Variants in CAMK1D observed in about 807,000 individuals in gnomAD.
CAMK1D encodes the protein calcium/calmodulin-dependent protein kinase type 1D.
Under a neutral mutation model 47.7 loss-of-function variants are expected in CAMK1D, and 9 were observed. The observed-to-expected ratio is 0.19, with a 90% CI of 0.11 to 0.33. The LOEUF (loss-of-function observed/expected upper bound fraction) is 0.33. Among genes scored for constraint, CAMK1D ranks in the 10% least tolerant of loss-of-function variants. The pLI is 1.00. For missense variants in CAMK1D, 291 were observed against 488.7 expected (o/e 0.60, Z 3.81); for synonymous variants, 184 against 184.9 (o/e 0.99, Z 0.04).
At chr10:12,681,456 C>T (rs534319647) in intron 3 of CAMK1D, among the ~76,000 whole-genome samples, 17 of 152,380 alleles carry the variant, frequency 1.1e-4, no homozygotes, top group Non-Finnish European at 1.9e-4. Context: ...CTGCAGCCTC[C>T]GCTCCTGCAG....
At chr10:12,606,963 G>C (rs1838479949) in intron 2 of CAMK1D, among the ~76,000 whole-genome samples, 1 of 152,038 alleles carries the variant, frequency 6.6e-6, no homozygotes. Flanking sequence ...TAGTAGCTGG[G>C]AATACAGGCG....
Position 12,680,351 on chromosome 10 carries a change from G to T in CAMK1D, c.299+13541G>T, listed in dbSNP as rs150515138. Among the ~76,000 whole-genome samples the T allele has an allele frequency of 1.5e-4, 23 of 152,286 alleles. No individual in the cohort carries two copies. In the East Asian group the frequency reaches 4.2e-3, roughly 28 times the overall value. On this transcript the variant is annotated intron_variant, in intron 3 of 10. Coordinates refer to ENST00000619168, the MANE Select transcript of CAMK1D (RefSeq NM_153498.4). Reference sequence around the variant, plus strand: ...ATAGCTCAGCGCCTGGTCTCTCTGGGTCTACCCAAAAAGTAGAGGGTTTTT... The same window carrying T: ...ATAGCTCAGCGCCTGGTCTCTCTGGTTCTACCCAAAAAGTAGAGGGTTTTT...
intron 3 of CAMK1D, among the ~76,000 whole-genome samples, chr10:12,713,381 C>G (rs912723573): frequency 6.6e-6 from 1 of 152,084 alleles, no homozygotes; most frequent in African/African-American, 2.4e-5. Context: ...GCGTTTTACC[C>G]TGAGGTTGGT....
At chr10:12,757,484 C>G (rs1836283814) in intron 3 of CAMK1D, among the ~76,000 whole-genome samples, 1 of 152,116 alleles carries the variant, frequency 6.6e-6, no homozygotes, top group South Asian at 2.1e-4. Flanking sequence ...AGCTCAATAA[C>G]CAAACAGCCA....
intron 3 of CAMK1D, among the ~76,000 whole-genome samples, chr10:12,699,265 AG>A (rs1833417263): frequency 6.6e-6 from 1 of 152,198 alleles, no homozygotes; most frequent in Non-Finnish European, 1.5e-5. Context: ...AGTGTCCAAA[AG>A]AACTGTGATC....
chr10:12,779,952 G>A (rs557962157), intron 5 of CAMK1D, among the ~76,000 whole-genome samples: 1 of 152,338 alleles, frequency 6.6e-6, no homozygotes, highest in South Asian at 2.1e-4. Flanking sequence ...GGAAGGAATC[G>A]TTCATTTCCT....
intron 3 of CAMK1D, among the ~76,000 whole-genome samples, chr10:12,750,608 T>C (rs1023709909): frequency 6.6e-6 from 1 of 152,086 alleles, no homozygotes; most frequent in African/African-American, 2.4e-5. Flanking sequence ...GGAGAGACTA[T>C]TGGTGAAACA....
At chr10:12,624,545 A>G (rs1041447257) in intron 2 of CAMK1D, among the ~76,000 whole-genome samples, 1 of 152,166 alleles carries the variant, frequency 6.6e-6, no homozygotes, top group African/African-American at 2.4e-5. Context: ...GATGTCTTCA[A>G]GGTTCATCCA....
chr10:12,559,080 G>A (rs1331325866), intron 2 of CAMK1D, among the ~76,000 whole-genome samples: 1 of 152,088 alleles, frequency 6.6e-6, no homozygotes, highest in Non-Finnish European at 1.5e-5. Context: ...GGCTGAGGCA[G>A]GAGGATTGTC....
chr10:12,398,537 C>T (rs12415928), intron 1 of CAMK1D, among the ~76,000 whole-genome samples: 31,617 of 151,890 alleles, frequency 0.21, 4,000 homozygotes, highest in Admixed American at 0.27. Flanking sequence ...TTAGAAGAGA[C>T]GGGGTTTCAC....
At chr10:12,821,796 G>A (rs929437613) in intron 8 of CAMK1D, among the ~76,000 whole-genome samples, 19 of 152,098 alleles carry the variant, frequency 1.2e-4, no homozygotes, top group African/African-American at 3.4e-4. Flanking sequence ...CCAATATGGT[G>A]AAACCCCATC....
intron 3 of CAMK1D, among the ~76,000 whole-genome samples, chr10:12,717,925 A>C (rs999638954): frequency 1.3e-5 from 2 of 151,954 alleles, no homozygotes; most frequent in Non-Finnish European, 2.9e-5. Context: ...AAAAGATGCA[A>C]AGAAAGAAAT....
At chr10:12,626,515 C>T (rs1243430078) in intron 2 of CAMK1D, among the ~76,000 whole-genome samples, 1 of 149,866 alleles carries the variant, frequency 6.7e-6, no homozygotes, top group African/African-American at 2.4e-5. Flanking sequence ...ATTCTGTCTC[C>T]TAGGCTGGAG....
intron 1 of CAMK1D, among the ~76,000 whole-genome samples, chr10:12,374,522 A>C (rs756598591): frequency 6.6e-6 from 1 of 152,174 alleles, no homozygotes; most frequent in African/African-American, 2.4e-5. Context: ...GGCCAACTCA[A>C]ATCTGATCTC....
intron 2 of CAMK1D, among the ~76,000 whole-genome samples, chr10:12,606,191 GAC>G (rs1838456655): frequency 6.6e-6 from 1 of 152,226 alleles, no homozygotes; most frequent in African/African-American, 2.4e-5. Flanking sequence ...GCTGCTCAGG[GAC>G]CACAGGGGAG....
chr10:12,539,815 C>G (rs1447586800), intron 1 of CAMK1D, among the ~76,000 whole-genome samples: 1 of 152,190 alleles, frequency 6.6e-6, no homozygotes, highest in Non-Finnish European at 1.5e-5. Context: ...TGCACCCTGG[C>G]AACAAATGCA....
At chr10:12,398,858 G>C (rs1471781894) in intron 1 of CAMK1D, among the ~76,000 whole-genome samples, 2 of 152,010 alleles carry the variant, frequency 1.3e-5, no homozygotes, top group African/African-American at 4.8e-5. Flanking sequence ...AAGGAGGTCA[G>C]AATTAGTCCT....
chr10:12,701,752 T>C (rs1481926114), intron 3 of CAMK1D, among the ~76,000 whole-genome samples: 2 of 152,222 alleles, frequency 1.3e-5, no homozygotes, highest in African/African-American at 4.8e-5. Flanking sequence ...AGGAAATCTA[T>C]GGTTCTTTTC....
chr10:12,733,352 T>C (rs953620785), intron 3 of CAMK1D, among the ~76,000 whole-genome samples: 2 of 152,120 alleles, frequency 1.3e-5, no homozygotes, highest in African/African-American at 2.4e-5. Context: ...AAGAGAAAAA[T>C]TGCAGAATTG....
Sources: gnomAD v4.1 joint callset for allele counts (sites outside exome capture counted in the v4.1 genomes callset) on GRCh38, gnomAD v4.1.1 for gene constraint, MANE v1.5 for transcripts, NCBI Gene and HGNC (gene_info 2026-07-23, HGNC 2026-07-21) for gene names.